Variants in RBFOX2 observed in about 807,000 individuals in gnomAD.
RBFOX2 encodes RNA binding fox-1 homolog 2.
RBFOX2 carries 10 observed loss-of-function variants against 49.1 expected under a neutral mutation model. The observed-to-expected ratio is 0.20, with a 90% CI of 0.13 to 0.35. The LOEUF (loss-of-function observed/expected upper bound fraction) is 0.35, where lower values mean the gene tolerates loss of function less well. RBFOX2 is among the 10% of genes least tolerant of loss of function. The probability of loss-of-function intolerance (pLI) is 1.00; values close to 1 mark genes in which losing one functional copy is unlikely to be tolerated. For synonymous variants in RBFOX2, 183 were observed against 187.4 expected, an observed-to-expected ratio of 0.98 and a Z score of 0.19; for missense variants, 323 against 486.9, an observed-to-expected ratio of 0.66 and a Z score of 3.17.
At chr22:35,825,783 C>T (rs1243550390) in intron 1 of RBFOX2, among the ~76,000 whole-genome samples, 2 of 151,432 alleles carry the variant, frequency 1.3e-5, no homozygotes, top group Admixed American at 1.3e-4. Context: ...TAGTTCGAGA[C>T]CAGCCTAACC....
At chr22:35,766,097 A>G (rs752116199) in intron 5 of RBFOX2, among the ~76,000 whole-genome samples, 23 of 152,256 alleles carry the variant, frequency 1.5e-4, no homozygotes, top group Non-Finnish European at 2.9e-4. Flanking sequence ...TAGGCACTTA[A>G]AAGAATTGAG....
At chr22:35,854,472 T>C (rs1306502114) in intron 1 of RBFOX2, among the ~76,000 whole-genome samples, 1 of 151,966 alleles carries the variant, frequency 6.6e-6, no homozygotes, top group Non-Finnish European at 1.5e-5. Context: ...CATGTGCCTA[T>C]ACTCCCACCT....
Position 35,798,109 on chromosome 22 carries a change from G to A in RBFOX2, c.252+11671C>T, listed in dbSNP as rs576802883. ...TCCTGCCTCAGCCTCCCAAGTAGCT[G>A]GGATTACAGGCATGCACCACCACGC... On this transcript the variant is annotated intron_variant, in intron 2 of 11. Transcript: ENST00000405409. Among the ~76,000 whole-genome samples the A allele has an allele frequency of 4.6e-5, 7 of 152,276 alleles. No individual in the cohort carries two copies. The East Asian group carries it at 1.2e-3, about 25-fold the overall frequency.
intron 1 of RBFOX2, among the ~76,000 whole-genome samples, chr22:35,847,418 C>T (rs1304605879): frequency 6.6e-6 from 1 of 152,110 alleles, no homozygotes; most frequent in Non-Finnish European, 1.5e-5. Context: ...TCCTCCATAA[C>T]GTCCAACTGT....
intron 1 of RBFOX2, among the ~76,000 whole-genome samples, chr22:35,985,907 GATAGATA>G (rs1569518831): frequency 0.052 from 308 of 5,892 alleles, 1 homozygote; most frequent in African/African-American, 0.093. Context: ...TAGATGGATA[GATAGATA>G]GATAGATAGA....
chr22:35,825,871 C>T (rs764152411), intron 1 of RBFOX2, among the ~76,000 whole-genome samples: 1 of 150,300 alleles, frequency 6.7e-6, no homozygotes, highest in African/African-American at 2.5e-5. Flanking sequence ...ATCCCAGCTA[C>T]CAAAGGAGGT....
intron 2 of RBFOX2, among the ~76,000 whole-genome samples, chr22:35,796,927 A>G (rs769933812): frequency 5.3e-5 from 8 of 152,188 alleles, no homozygotes; most frequent in Non-Finnish European, 7.4e-5. Flanking sequence ...CCAATGGAAA[A>G]AAATAGTGTC....
At chr22:35,979,824 A>C (rs1603461479) in intron 1 of RBFOX2, among the ~76,000 whole-genome samples, 2 of 152,236 alleles carry the variant, frequency 1.3e-5, no homozygotes, top group Admixed American at 6.5e-5. Flanking sequence ...ACGTGGTTCA[A>C]CAAGTGTCAG....
At chr22:35,934,497 G>A (rs992931990) in intron 1 of RBFOX2, among the ~76,000 whole-genome samples, 2 of 151,884 alleles carry the variant, frequency 1.3e-5, no homozygotes, top group Admixed American at 6.6e-5. Context: ...ACTAATTATT[G>A]GCATCACTTT....
At chr22:35,889,509 G>A (rs756566102) in intron 1 of RBFOX2, among the ~76,000 whole-genome samples, 1 of 151,996 alleles carries the variant, frequency 6.6e-6, no homozygotes, top group Non-Finnish European at 1.5e-5. Context: ...CTTCCCTCCA[G>A]CCCATTCTAT....
At chr22:35,794,730 G>C (rs1948443515) in intron 2 of RBFOX2, among the ~76,000 whole-genome samples, 1 of 151,994 alleles carries the variant, frequency 6.6e-6, no homozygotes, top group Admixed American at 6.6e-5. Context: ...TCAAGAGGTA[G>C]TATAAAGTAT....
intron 1 of RBFOX2, among the ~76,000 whole-genome samples, chr22:36,010,395 G>A (rs1017353408): frequency 1.9e-4 from 29 of 152,068 alleles, no homozygotes; most frequent in African/African-American, 6.3e-4. Flanking sequence ...TCTGTGACTC[G>A]GGCCACAGAG....
intron 9 of RBFOX2, 78 bp from the exon 12 acceptor site, chr22:35,746,639 C>G: frequency 1.3e-6 from 1 of 796,060 alleles, no homozygotes; most frequent in Non-Finnish European, 1.9e-6. Context: ...CGCCCACACA[C>G]AGACGTACAC....
intron 1 of RBFOX2, among the ~76,000 whole-genome samples, chr22:35,851,881 A>C (rs1196634688): frequency 6.6e-6 from 1 of 151,972 alleles, no homozygotes; most frequent in Admixed American, 6.6e-5. Flanking sequence ...AGTCTCTCTC[A>C]CCATTAGAAC....
chr22:35,927,938 T>C (rs2051869149), intron 1 of RBFOX2, among the ~76,000 whole-genome samples: 1 of 151,980 alleles, frequency 6.6e-6, no homozygotes, highest in South Asian at 2.1e-4. Context: ...AAAAGGAAAA[T>C]GAGAAAATAG....
intron 1 of RBFOX2, among the ~76,000 whole-genome samples, chr22:35,988,626 G>C (rs1569519446): frequency 1.3e-5 from 2 of 152,120 alleles, no homozygotes; most frequent in African/African-American, 4.8e-5. Context: ...AAGTGAAGCT[G>C]CATGGTATAT....
intron 4 of RBFOX2, among the ~76,000 whole-genome samples, chr22:35,771,274 T>C (rs1422822170): frequency 6.6e-6 from 1 of 152,086 alleles, no homozygotes; most frequent in African/African-American, 2.4e-5. Flanking sequence ...TGCTTATAAG[T>C]GAAAAGCGGA....
At chr22:35,761,352 T>C in intron 7 of RBFOX2, 58 bp from the exon 9 acceptor site, 2 of 1,612,466 alleles carry the variant, frequency 1.2e-6, no homozygotes, top group Non-Finnish European at 1.7e-6. Flanking sequence ...AGTCACAAAT[T>C]GAAAAACAGC....
intron 5 of RBFOX2, 118 bp downstream of exon 6, chr22:35,768,139 A>T: frequency 9.6e-7 from 1 of 1,040,824 alleles, no homozygotes; most frequent in Non-Finnish European, 1.4e-6. Context: ...AGATACAAAC[A>T]CACATACATG....
Sources: allele counts gnomAD v4.1 joint callset (sites outside exome capture counted in the v4.1 genomes callset), GRCh38; gene constraint gnomAD v4.1.1; transcripts MANE v1.5; gene names NCBI Gene and HGNC (gene_info 2026-07-23, HGNC 2026-07-21).